Variants in RAB14 observed in about 807,000 individuals in gnomAD.
RAB14 encodes the protein ras-related protein Rab-14.
RAB14 carries 3 observed loss-of-function variants against 31.1 expected under a neutral mutation model. The observed-to-expected ratio is 0.10, with a 90% CI of 0.04 to 0.25. RAB14 has a LOEUF of 0.25. Ranked by LOEUF, RAB14 falls within the 10% of genes least tolerant of loss-of-function variation. The pLI is 1.00. For synonymous variants in RAB14, 85 were observed against 84.9 expected (o/e 1.00, Z 0.00); for missense variants, 111 against 260.1 (o/e 0.43, Z 3.94).
At chr9:121,193,508 G>A (rs2053697744) in intron 1 of RAB14, 89 bp from the exon 2 acceptor site, 2 of 831,838 alleles carry the variant, frequency 2.4e-6, no homozygotes, top group Non-Finnish European at 3.8e-6. Flanking sequence ...AGGTAGAAAA[G>A]GACACTGAAT....
rs56048214 is a variant in RAB14 at position 121,178,604 on chromosome 9, G to A, written c.*2792C>T. 3,219 of 152,576 alleles carry A rather than the reference G, an allele frequency of 0.021. 79 individuals carry two copies. The highest frequency in any genetic ancestry group is 0.029 in the Non-Finnish European group (1,992 of 68,002). 9.5% of individuals were successfully genotyped at this position (152,576 alleles called of 1,614,324 possible). A position where few individuals can be genotyped will look rare whatever the true frequency, so the allele number is the denominator to read the frequency against. ...TGTCTTACCGAATTTGAGAAGGGAGGTAATGTATGAAGCTTAACAGCTGGC... is the reference window on the plus strand; with the variant it reads ...TGTCTTACCGAATTTGAGAAGGGAGATAATGTATGAAGCTTAACAGCTGGC... On this transcript the variant is annotated 3_prime_UTR_variant, in exon 8 of 8. Transcript: ENST00000373840.
intron 1 of RAB14, among the ~76,000 whole-genome samples, chr9:121,199,785 A>G (rs936971597): frequency 6.6e-6 from 1 of 152,144 alleles, no homozygotes; most frequent in African/African-American, 2.4e-5. Context: ...ACAGTCTCTA[A>G]TCCTAAAAAC....
At chr9:121,199,732 C>A (rs2053743652) in intron 1 of RAB14, among the ~76,000 whole-genome samples, 1 of 152,160 alleles carries the variant, frequency 6.6e-6, no homozygotes, top group Non-Finnish European at 1.5e-5. Context: ...TTTACAATAA[C>A]TGCCATTTAT....
intron 6 of RAB14, 129 bp downstream of exon 6, chr9:121,183,182 T>C (rs1234534223): frequency 2.9e-5 from 24 of 825,310 alleles, no homozygotes; most frequent in African/African-American, 5.2e-5. Flanking sequence ...ACATTGTTAC[T>C]TCCTCATTCT....
chr9:121,183,224 A>G lies in RAB14; in HGVS notation c.439+87T>C, dbSNP rs564343433. 2.8e-6 allele frequency: 3 copies of G among 1,080,212 alleles called. No homozygotes were observed. The Admixed American group carries it at 7.3e-5, about 26-fold the overall frequency. The allele number at this position is 1,080,212 out of a possible 1,614,324, so 66.9% of individuals were successfully genotyped here. A position where few individuals can be genotyped will look rare whatever the true frequency, so the allele number is the denominator to read the frequency against. On this transcript the variant is annotated intron_variant, in intron 6 of 7. Coordinates refer to ENST00000373840, the MANE Select transcript of RAB14 (RefSeq NM_016322.4). ...TTCTGAGTCTGCATTTAAAAAAAAA[A>G]TGCAAAAAAAAACCAACAAAACTGT...
intron 3 of RAB14, 111 bp from the exon 4 acceptor site, chr9:121,190,842 TA>T: frequency 2.0e-6 from 2 of 1,001,110 alleles, no homozygotes; most frequent in South Asian, 1.8e-5. Context: ...TTACAGGCTA[TA>T]AATAGACTAA....
At chr9:121,192,915 G>A (rs2053694824) in intron 2 of RAB14, among the ~76,000 whole-genome samples, 1 of 151,888 alleles carries the variant, frequency 6.6e-6, no homozygotes, top group Non-Finnish European at 1.5e-5. Context: ...AAACCTTCTT[G>A]AAACTTAAGG....
Position 121,190,751 on chromosome 9 carries a change from G to A in RAB14, c.107-20C>T. ...CCATAACTGTTAAGGAGGAAAAAAA[G>A]TAATAGCCCAATTTTCAGAAAACTT... On this transcript the variant is annotated intron_variant, in intron 3 of 7. Transcript: ENST00000373840. 2 of 1,608,016 alleles carry A rather than the reference G, an allele frequency of 1.2e-6. No individual in the cohort carries two copies.
intron 2 of RAB14, 59 bp downstream of exon 2, chr9:121,193,302 T>G: frequency 1.0e-5 from 12 of 1,161,188 alleles, no homozygotes; most frequent in Non-Finnish European, 1.4e-5. Flanking sequence ...TATTAACATA[T>G]AAATATTTTG....
At chr9:121,188,363 C>G (rs925512588) in intron 4 of RAB14, among the ~76,000 whole-genome samples, 1 of 151,860 alleles carries the variant, frequency 6.6e-6, no homozygotes, top group African/African-American at 2.4e-5. Context: ...AAAGCTGACA[C>G]AGAGAGTGAA....
Position 121,181,326 on chromosome 9 carries a change from G to A in RAB14, c.*70C>T, listed in dbSNP as rs1447093667. The A allele has an allele frequency of 7.3e-7, 1 of 1,370,086 alleles. No individual in the cohort carries two copies. Among genetic ancestry groups the A allele is most frequent in the South Asian group, 1.7e-5 (1 of 60,442 alleles). The allele number at this position is 1,370,086 out of a possible 1,614,324, so 84.9% of individuals were successfully genotyped here. On this transcript the variant is annotated 3_prime_UTR_variant, in exon 8 of 8. Transcript: ENST00000373840. ...CAGTAAGATGTACAGAAGACAATGA[G>A]GCAGTAAAAAGTACTGCTTCCAACA...
rs553918395 is a variant in RAB14, at chr9:121,199,691, T to A, written c.-8+1948A>T. On this transcript the variant is annotated intron_variant, in intron 1 of 7. Transcript: ENST00000373840. ...GTAGCTTTAATTTCAAGGGATTTTT[T>A]AATAGCTATTATAATCTAAGGTTTT... 5.9e-5 allele frequency among the ~76,000 whole-genome samples: 9 copies of A among 152,240 alleles called. No individual in the cohort carries two copies. The South Asian group carries it at 1.9e-3, about 31-fold the overall frequency.
rs1049347926 is a variant in RAB14, at chr9:121,201,677, G to C, written c.-46C>G. The C allele has an allele frequency of 2.0e-5, 3 of 152,556 alleles. No individual in the cohort carries two copies. Among genetic ancestry groups the C allele is most frequent in the Non-Finnish European group, 2.9e-5 (2 of 68,368 alleles). The allele number at this position is 152,556 out of a possible 1,614,324, so 9.5% of individuals were successfully genotyped here. ...GGTGGCTGGGCAGCTTTCCGGGCGG[G>C]AGGGGGGCGTCAGGACCAGGAACAG... On this transcript the variant is annotated 5_prime_UTR_variant, in exon 1 of 8. Coordinates refer to ENST00000373840, the MANE Select transcript of RAB14 (RefSeq NM_016322.4).
intron 1 of RAB14, among the ~76,000 whole-genome samples, chr9:121,198,900 T>C (rs2053733711): frequency 6.6e-6 from 1 of 151,102 alleles, no homozygotes; most frequent in African/African-American, 2.4e-5. Context: ...AAATGAGTGG[T>C]CAATTTCCTC....
rs1354972164 is a variant in RAB14, at chr9:121,186,922, T to G, written c.351+31A>C. The G allele has an allele frequency of 2.1e-6, 3 of 1,463,090 alleles. No homozygotes were observed. The African/African-American group carries it at 4.4e-5, about 21-fold the overall frequency. 90.6% of individuals were successfully genotyped at this position (1,463,090 alleles called of 1,614,324 possible). A position where few individuals can be genotyped will look rare whatever the true frequency, so the allele number is the denominator to read the frequency against. ...TTTTGGGTTAGCTTAGTTCTTAAAT[T>G]TTCTGTGTAATAAGATGCCATTTAA... is the stretch of plus-strand genomic sequence containing the variant. On this transcript the variant is annotated intron_variant, in intron 5 of 7. Transcript: ENST00000373840.
chr9:121,197,792 A>T (rs2053726362), intron 1 of RAB14, among the ~76,000 whole-genome samples: 1 of 152,234 alleles, frequency 6.6e-6, no homozygotes, highest in Non-Finnish European at 1.5e-5. Flanking sequence ...GCTTCAGCCC[A>T]TAAGGCTACA....
chr9:121,183,557 T>G (rs984616690), intron 5 of RAB14, among the ~76,000 whole-genome samples, 159 bp from the exon 6 acceptor site: 5 of 152,210 alleles, frequency 3.3e-5, no homozygotes, highest in Non-Finnish European at 7.3e-5. Flanking sequence ...TACAGATTCA[T>G]GAAGTCATTA....
intron 1 of RAB14, among the ~76,000 whole-genome samples, chr9:121,196,414 T>G (rs1193635641): frequency 6.6e-6 from 1 of 152,188 alleles, no homozygotes; most frequent in Non-Finnish European, 1.5e-5. Flanking sequence ...TACTATTTAT[T>G]GGGTACTTGA....
chr9:121,198,938 TA>T (rs5900475), intron 1 of RAB14, among the ~76,000 whole-genome samples: 3 of 150,434 alleles, frequency 2.0e-5, no homozygotes, highest in African/African-American at 4.9e-5. Flanking sequence ...CCCACCCACT[TA>T]AAAAAAAAAC....
Sources: gnomAD v4.1 joint callset for allele counts (sites outside exome capture counted in the v4.1 genomes callset) on GRCh38, gnomAD v4.1.1 for gene constraint, MANE v1.5 for transcripts, NCBI Gene and HGNC (gene_info 2026-07-23, HGNC 2026-07-21) for gene names.